Variants in ZNF70 observed in about 807,000 individuals in gnomAD.
ZNF70 encodes zinc finger protein 70.
In ZNF70, 18 loss-of-function variants were observed where a neutral mutation model predicts 37.7. That is an observed-to-expected ratio of 0.48 (90% CI 0.33 to 0.71). ZNF70 has a LOEUF of 0.71. ZNF70 is among the 30% of genes least tolerant of loss of function. The probability of loss-of-function intolerance (pLI) is 0.02; values close to 1 mark genes in which losing one functional copy is unlikely to be tolerated. For missense variants in ZNF70, 506 were observed against 568.6 expected (o/e 0.89, Z 1.12); for synonymous variants, 219 against 220.1 (o/e 0.99, Z 0.05).
chr22:23,747,925 C>T (rs1925186046), intron 1 of ZNF70, among the ~76,000 whole-genome samples: 1 of 152,152 alleles, frequency 6.6e-6, no homozygotes, highest in Middle Eastern at 3.2e-3. Context: ...AGGAAGGAAG[C>T]TAGAACAGCC....
Position 23,743,702 on chromosome 22 carries a change from T to C in ZNF70, c.*98A>G. On this transcript the variant is annotated 3_prime_UTR_variant, in exon 2 of 2. Coordinates refer to ENST00000341976, the MANE Select transcript of ZNF70 (RefSeq NM_021916.4). Reference sequence around the variant, plus strand: ...AGCGCTTAGGTGGGAAGGTTTCCATTCAGCATCAGGGAGGTAGGTGGGGTC... The same window carrying C: ...AGCGCTTAGGTGGGAAGGTTTCCATCCAGCATCAGGGAGGTAGGTGGGGTC... 1 of 1,486,798 alleles carries C rather than the reference T, an allele frequency of 6.7e-7. No homozygotes were observed. Among genetic ancestry groups the C allele is most frequent in the Non-Finnish European group, 9.0e-7 (1 of 1,107,846 alleles). The allele number at this position is 1,486,798 out of a possible 1,614,324, so 92.1% of individuals were successfully genotyped here. A position where few individuals can be genotyped will look rare whatever the true frequency, so the allele number is the denominator to read the frequency against.
chr22:23,744,867 C>G lies in ZNF70; in HGVS notation c.274G>C (p.Gly92Arg), dbSNP rs556586664. ...GTRPQDDELF[G>R]QTFLQKSDLS... ...TCGGATTTCTGGAGGAAGGTTTGTC[C>G]GAAGAGCTCATCATCCTGGGGTCTG... is the stretch of plus-strand genomic sequence containing the variant. Residue 92 changes from glycine (G) to arginine (R), a missense_variant, in exon 2 of 2, where the codon GGA becomes CGA. Physicochemically the swap from Gly to Arg is moderately radical, Grantham distance 125. Coordinates refer to ENST00000341976, the MANE Select transcript of ZNF70 (RefSeq NM_021916.4). The G allele has an allele frequency of 3.0e-5, 48 of 1,614,102 alleles. No homozygotes were observed. Among genetic ancestry groups the G allele is most frequent in the South Asian group, 1.5e-4 (14 of 91,078 alleles).
In ZNF70 at chr22:23,741,018, G is replaced by A. The variant is rs1924861232; in HGVS notation, c.*2782C>T. 1 of 152,306 alleles carries A rather than the reference G, an allele frequency of 6.6e-6. No individual in the cohort carries two copies. Among genetic ancestry groups the A allele is most frequent in the African/African-American group, 2.4e-5 (1 of 41,426 alleles). 9.4% of individuals were successfully genotyped at this position (152,306 alleles called of 1,614,324 possible). ...TGGGAGTGATGCTGGAGTGGGCAGGGGCGGCCTGATCTCCATGCGGCTTGC... is the reference window on the plus strand; with the variant it reads ...TGGGAGTGATGCTGGAGTGGGCAGGAGCGGCCTGATCTCCATGCGGCTTGC... On this transcript the variant is annotated 3_prime_UTR_variant, in exon 2 of 2. Transcript: ENST00000341976.
chr22:23,749,929 T>C (rs1601323588), intron 1 of ZNF70, among the ~76,000 whole-genome samples: 1 of 152,138 alleles, frequency 6.6e-6, no homozygotes, highest in East Asian at 1.9e-4. Flanking sequence ...AGACTCTCCA[T>C]ACTATGCGCA....
At chr22:23,746,366 T>C (rs1925124236) in intron 1 of ZNF70, among the ~76,000 whole-genome samples, 2 of 151,380 alleles carry the variant, frequency 1.3e-5, no homozygotes, top group Admixed American at 1.3e-4. Flanking sequence ...ACCACCATTC[T>C]TGGCTAATTT....
Position 23,750,706 on chromosome 22 carries a change from C to T in ZNF70, c.-80+5G>A, listed in dbSNP as rs1169586936. ...TGCAAAGATCTGGAACTCCATGCTT[C>T]CCACCTCTGTCGGGGCCTTCTCCGG... is the stretch of plus-strand genomic sequence containing the variant. On this transcript the variant is annotated splice_donor_5th_base_variant and intron_variant, in intron 1 of 1. Transcript: ENST00000341976. 1 of 152,462 alleles carries T rather than the reference C, an allele frequency of 6.6e-6. No homozygotes were observed. Among genetic ancestry groups the T allele is most frequent in the Non-Finnish European group, 1.5e-5 (1 of 68,208 alleles). 9.4% of individuals were successfully genotyped at this position (152,462 alleles called of 1,614,324 possible).
chr22:23,748,764 C>T (rs1007533675), intron 1 of ZNF70, among the ~76,000 whole-genome samples: 3 of 150,742 alleles, frequency 2.0e-5, no homozygotes, highest in African/African-American at 7.3e-5. Flanking sequence ...AGGCTGGTCT[C>T]GAACTCCTGA....
In ZNF70 at chr22:23,743,858, A is replaced by G. The variant is rs757384807; in HGVS notation, c.1283T>C (p.Phe428Ser). 1.2e-6 allele frequency: 2 copies of G among 1,614,170 alleles called. No homozygotes were observed. ...PYVCNLCGKS[F>S]RGSSHLIRHQ... ...GCGAATCAGGTGCGAGCTCCCCCGG[A>G]AGGACTTGCCGCACAGATTGCACAC... Residue 428 changes from phenylalanine (F) to serine (S), a missense_variant, in exon 2 of 2, where the codon TTC (phenylalanine) becomes TCC (serine). Physicochemically the swap from Phe to Ser is radical, Grantham distance 155. Coordinates refer to ENST00000341976, the MANE Select transcript of ZNF70 (RefSeq NM_021916.4).
At position 23,744,538 on chromosome 22, in the gene ZNF70, A is replaced by G. The variant is rs878979748; in HGVS notation, c.603T>C (p.Cys201=). The change falls in exon 2 of 2, where the codon TGT becomes TGC. Residue 201 remains cysteine (C), a synonymous_variant. Coordinates refer to ENST00000341976, the MANE Select transcript of ZNF70 (RefSeq NM_021916.4). ...CTGAGCTCTGGCGGAAGGCCTTCCC[A>G]CACTCCCGGCACTCGTAGGGCTTCT... ...TGEKPYECRE[C]GKAFRQSSAL... is the part of the protein sequence containing the mutation. 6.2e-7 allele frequency: 1 copy of G among 1,612,630 alleles called. No individual in the cohort carries two copies. Among genetic ancestry groups the G allele is most frequent in the Non-Finnish European group, 8.5e-7 (1 of 1,179,594 alleles).
In ZNF70 at chr22:23,738,703, T is replaced by G. The variant is rs890180576; in HGVS notation, c.*5097A>C. 1 of 152,160 alleles carries G rather than the reference T, an allele frequency of 6.6e-6. No homozygotes were observed. The highest frequency in any genetic ancestry group is 1.9e-4 in the East Asian group (1 of 5,200). 9.4% of individuals were successfully genotyped at this position (152,160 alleles called of 1,614,324 possible). A position where few individuals can be genotyped will look rare whatever the true frequency, so the allele number is the denominator to read the frequency against. On this transcript the variant is annotated 3_prime_UTR_variant, in exon 2 of 2. Coordinates refer to ENST00000341976, the MANE Select transcript of ZNF70 (RefSeq NM_021916.4). ...TATATGCCCCAAACATGATACTTAT[T>G]TATTGATAATTCATACCCTGCCTAT... is the stretch of plus-strand genomic sequence containing the variant.
chr22:23,743,271 C>A lies in ZNF70; in HGVS notation c.*529G>T, dbSNP rs1924942303. ...TGCTCTGCAGACCTGTTTTGGTTGT[C>A]CCCACCAATGCCCAACGCAGTGAGA... is the stretch of plus-strand genomic sequence containing the variant. On this transcript the variant is annotated 3_prime_UTR_variant, in exon 2 of 2. Coordinates refer to ENST00000341976, the MANE Select transcript of ZNF70 (RefSeq NM_021916.4). 1 of 157,298 alleles carries A rather than the reference C, an allele frequency of 6.4e-6. No homozygotes were observed. Among genetic ancestry groups the A allele is most frequent in the African/African-American group, 2.4e-5 (1 of 41,460 alleles). The allele number at this position is 157,298 out of a possible 1,614,324, so 9.7% of individuals were successfully genotyped here.
chr22:23,749,112 C>G lies in ZNF70; in HGVS notation c.-80+1599G>C, dbSNP rs12163444. ...ACGCGGTGGCTCACGCCTCTAATCC[C>G]AGCACTTTGGGAGGCCGAGGTGGGT... On this transcript the variant is annotated intron_variant, in intron 1 of 1. Transcript: ENST00000341976. 3.8e-4 allele frequency among the ~76,000 whole-genome samples: 58 copies of G among 151,438 alleles called. 1 individual carries two copies. The South Asian group carries it at 0.012, about 30-fold the overall frequency.
intron 1 of ZNF70, 118 bp from the exon 2 acceptor site, chr22:23,745,337 C>T (rs1203864044): frequency 3.2e-6 from 2 of 629,948 alleles, no homozygotes; most frequent in Non-Finnish European, 5.4e-6. Flanking sequence ...ACAATCTTGC[C>T]CTTAAGATGA....
rs757866335 is a variant in ZNF70 at position 23,749,348 on chromosome 22, CAAAAAAAAAAAAAAA to C, written c.-80+1348_-80+1362del. Among the ~76,000 whole-genome samples, 11 of 14,354 alleles carry C rather than the reference CAAAAAAAAAAAAAAA, an allele frequency of 7.7e-4. No individual in the cohort carries two copies. In the South Asian group the frequency reaches 0.017, roughly 22 times the overall value. The allele number at this position is 14,354 out of a possible 152,430, so 9.4% of individuals were successfully genotyped here. A position where few individuals can be genotyped will look rare whatever the true frequency, so the allele number is the denominator to read the frequency against. On this transcript the variant is annotated intron_variant, in intron 1 of 1. Transcript: ENST00000341976. The stretch of plus-strand genomic sequence containing the variant: ...TGGGTAACAGAGCGAGACTCCATCT[CAAAAAAAAAAAAAAA>C]AAAAAAAAAAAAAAAAAAGCCGGCC...
rs752558697 is a variant in ZNF70 at position 23,743,856 on chromosome 22, G to A, written c.1285C>T (p.Arg429Trp). Reference protein sequence around the residue: ...YVCNLCGKSFRGSSHLIRHQK... With the variant: ...YVCNLCGKSFWGSSHLIRHQK... ...TGGCGAATCAGGTGCGAGCTCCCCC[G>A]GAAGGACTTGCCGCACAGATTGCAC... Residue 429 changes from arginine to tryptophan, a missense_variant, in exon 2 of 2, where the codon CGG becomes TGG. Physicochemically the swap from Arg to Trp is moderately radical, Grantham distance 101. Coordinates refer to ENST00000341976, the MANE Select transcript of ZNF70 (RefSeq NM_021916.4). The A allele has an allele frequency of 2.6e-5, 42 of 1,613,996 alleles. No homozygotes were observed. Among genetic ancestry groups the A allele is most frequent in the South Asian group, 9.9e-5 (9 of 91,068 alleles).
Sources: gnomAD v4.1 joint callset for allele counts (sites outside exome capture counted in the v4.1 genomes callset) on GRCh38, gnomAD v4.1.1 for gene constraint, MANE v1.5 for transcripts, NCBI Gene and HGNC (gene_info 2026-07-23, HGNC 2026-07-21) for gene names.